The following ZNF90 variants were observed in gnomAD, a reference collection of about 807,000 sequenced individuals.
The protein encoded by ZNF90 is zinc finger protein HTF9.
ZNF90 carries 11 observed loss-of-function variants against 12.0 expected under a neutral mutation model. The observed-to-expected ratio is 0.92, with a 90% CI of 0.58 to 1.52. The LOEUF (loss-of-function observed/expected upper bound fraction) is 1.52, where lower values mean the gene tolerates loss of function less well. Ranked by LOEUF, ZNF90 falls within the 40% of genes most tolerant of loss-of-function variation. The pLI is 0.00. For missense variants in ZNF90, 765 were observed against 711.5 expected (o/e 1.08, Z -0.86); for synonymous variants, 232 against 240.1 (o/e 0.97, Z 0.31).
chr19:20,092,987 TGCGGCA>T (rs1448128750), intron 1 of ZNF90, among the ~76,000 whole-genome samples: 1 of 151,912 alleles, frequency 6.6e-6, no homozygotes, highest in Non-Finnish European at 1.5e-5. Context: ...CCTGAAACCC[TGCGGCA>T]GCACAGCCCA....
chr19:20,114,088 C>A (rs1039540984), intron 3 of ZNF90, among the ~76,000 whole-genome samples: 2 of 152,020 alleles, frequency 1.3e-5, no homozygotes, highest in African/African-American at 4.8e-5. Flanking sequence ...GTCAGAAGAT[C>A]GTGACCATCC....
chr19:20,118,803 A>G lies in ZNF90; in HGVS notation c.1249A>G (p.Ile417Val), dbSNP rs782571145. 8 of 1,604,696 alleles carry G rather than the reference A, an allele frequency of 5.0e-6. No homozygotes were observed. The South Asian group carries it at 5.6e-5, about 11-fold the overall frequency. Residue 417 changes from isoleucine (I) to valine (V), a missense_variant, in exon 4 of 4, where the codon ATA becomes GTA. Transcript: ENST00000418063. ...KRSSTLTIHK[I>V]SHTEEKPYKC... ...CTCCTCAACACTTACTATACATAAG[A>G]TAAGTCATACTGAAGAGAAACCCTA... is the stretch of plus-strand genomic sequence containing the variant.
Position 20,119,009 on chromosome 19 carries a change from ATG to A in ZNF90, c.1458_1459del (p.Cys486Ter). ...TEEKLYKCQE[C>X]DKAFKYSSAL... ...AAGAGAAACTCTACAAATGTCAAGAATGTGACAAAGCCTTCAAGTACTCCTCA... is the reference window on the plus strand; with the variant it reads ...AAGAGAAACTCTACAAATGTCAAGAATGACAAAGCCTTCAAGTACTCCTCA... On this transcript the variant is annotated frameshift_variant, in exon 4 of 4. Coordinates refer to ENST00000418063, the MANE Select transcript of ZNF90 (RefSeq NM_007138.2). LOFTEE classifies it low-confidence loss of function (END_TRUNC). 1 of 1,607,476 alleles carries A rather than the reference ATG, an allele frequency of 6.2e-7. No individual in the cohort carries two copies. The highest frequency in any genetic ancestry group is 8.5e-7 in the Non-Finnish European group (1 of 1,176,596).
chr19:20,092,754 C>T (rs966708462), intron 1 of ZNF90, among the ~76,000 whole-genome samples: 4 of 152,012 alleles, frequency 2.6e-5, no homozygotes, highest in Admixed American at 6.5e-5. Flanking sequence ...AGAATTATGC[C>T]GAGGTAGGTA....
intron 1 of ZNF90, among the ~76,000 whole-genome samples, chr19:20,091,533 C>T (rs1216853248): frequency 2.0e-5 from 3 of 152,060 alleles, no homozygotes; most frequent in Admixed American, 6.5e-5. Flanking sequence ...GTGACTGAAG[C>T]GAAGGAGAAA....
chr19:20,103,218 G>GA (rs1282409718), intron 1 of ZNF90, among the ~76,000 whole-genome samples: 3 of 152,200 alleles, frequency 2.0e-5, no homozygotes, highest in Admixed American at 2.0e-4. Flanking sequence ...TGAGAATGTG[G>GA]AGGTCGAAAG....
chr19:20,084,751 CT>C (rs1251372897), intron 1 of ZNF90, among the ~76,000 whole-genome samples: 15 of 152,172 alleles, frequency 9.9e-5, no homozygotes, highest in East Asian at 1.9e-4. Context: ...GCGATGACCA[CT>C]TTTTTTCATA....
At chr19:20,095,659 A>G (rs1426292749) in intron 1 of ZNF90, among the ~76,000 whole-genome samples, 2 of 151,930 alleles carry the variant, frequency 1.3e-5, no homozygotes, top group African/African-American at 4.8e-5. Context: ...GTTGGGGTGC[A>G]GAAATAAGGG....
At position 20,120,594 on chromosome 19, in the gene ZNF90, T is replaced by C. The variant is rs1365966149; in HGVS notation, c.*1234T>C. ...TATATGTTTGCAGAAACAGTAAATA[T>C]AAAAAATATTTAATTCAAAATGAAT... On this transcript the variant is annotated 3_prime_UTR_variant, in exon 4 of 4. Coordinates refer to ENST00000418063, the MANE Select transcript of ZNF90 (RefSeq NM_007138.2). 1.3e-5 allele frequency among the ~76,000 whole-genome samples: 2 copies of C among 152,108 alleles called. No homozygotes were observed. The highest frequency in any genetic ancestry group is 2.9e-5 in the Non-Finnish European group (2 of 68,002).
chr19:20,104,501 T>C, intron 2 of ZNF90, 136 bp downstream of exon 2: 1 of 1,086,172 alleles, frequency 9.2e-7, no homozygotes, highest in South Asian at 2.3e-5. Flanking sequence ...ATCTTCAGAA[T>C]TTCTTTTAGA....
chr19:20,100,571 A>T (rs766113501), intron 1 of ZNF90, among the ~76,000 whole-genome samples: 5 of 152,028 alleles, frequency 3.3e-5, no homozygotes, highest in Non-Finnish European at 7.4e-5. Flanking sequence ...CATTGAAGGC[A>T]CCCCTCCCCA....
intron 1 of ZNF90, among the ~76,000 whole-genome samples, chr19:20,092,119 C>T (rs141208329): frequency 0.015 from 2,258 of 152,024 alleles, 66 homozygotes; most frequent in African/African-American, 0.051. Context: ...TGTGGGAGGC[C>T]GCATTTAAGT....
intron 3 of ZNF90, among the ~76,000 whole-genome samples, chr19:20,117,013 T>TTGTGTGG (rs2089142747): frequency 7.8e-6 from 1 of 128,666 alleles, no homozygotes; most frequent in Non-Finnish European, 1.6e-5. Flanking sequence ...CAACTTACAT[T>TTGTGTGG]TGTGTGTGTG....
intron 1 of ZNF90, among the ~76,000 whole-genome samples, chr19:20,096,673 A>G (rs2088949617): frequency 6.6e-6 from 1 of 152,164 alleles, no homozygotes. Flanking sequence ...AAGGTGGGGC[A>G]GGGCATATTC....
At chr19:20,097,563 G>A (rs147977088) in intron 1 of ZNF90, among the ~76,000 whole-genome samples, 22 of 152,282 alleles carry the variant, frequency 1.4e-4, no homozygotes, top group African/African-American at 5.1e-4. Context: ...AGAGTAACGT[G>A]TGCATTGAGT....
intron 1 of ZNF90, 119 bp downstream of exon 1, chr19:20,078,254 T>C: frequency 7.4e-7 from 1 of 1,360,524 alleles, no homozygotes; most frequent in Non-Finnish European, 1.0e-6. Context: ...GACCGACTTC[T>C]CCTTGCCCAG....
intron 1 of ZNF90, chr19:20,080,548 G>A (rs955375840): frequency 4.5e-5 from 10 of 224,008 alleles, no homozygotes; most frequent in African/African-American, 1.6e-4. Flanking sequence ...ATCTCTCAGC[G>A]CTGGCTGGAA....
In ZNF90 at chr19:20,118,960, C is replaced by T; in HGVS notation, c.1406C>T (p.Thr469Ile). 6.2e-7 allele frequency: 1 copy of T among 1,606,480 alleles called. No individual in the cohort carries two copies. The highest frequency in any genetic ancestry group is 8.5e-7 in the Non-Finnish European group (1 of 1,177,100). The change falls in exon 4 of 4, where the codon ACT becomes ATT. Residue 469 changes from threonine (T) to isoleucine (I), a missense_variant. Transcript: ENST00000418063. ...GKAFKRSSNL[T>I]THKISHTEEK... is the part of the protein sequence containing the mutation. Reference sequence around the variant, plus strand: ...GCCTTCAAGCGCTCCTCAAACCTTACTACACATAAGATAAGTCATACTGAA... The same window carrying T: ...GCCTTCAAGCGCTCCTCAAACCTTATTACACATAAGATAAGTCATACTGAA...
intron 1 of ZNF90, among the ~76,000 whole-genome samples, chr19:20,100,838 G>A (rs1423047149): frequency 6.6e-6 from 1 of 152,104 alleles, no homozygotes; most frequent in Non-Finnish European, 1.5e-5. Context: ...GAGAGCTCAC[G>A]AAAATACCAA....
Sources: allele counts gnomAD v4.1 joint callset (sites outside exome capture counted in the v4.1 genomes callset), GRCh38; gene constraint gnomAD v4.1.1; transcripts MANE v1.5; gene names NCBI Gene and HGNC (gene_info 2026-07-23, HGNC 2026-07-21).